TENM4: variants seen among roughly 807,000 people sequenced by gnomAD.
TENM4 encodes teneurin-4.
TENM4 carries 82 observed loss-of-function variants against 243.3 expected under a neutral mutation model. The ratio of observed to expected loss-of-function variants is 0.34; its 90% CI spans 0.28 to 0.40. The LOEUF is 0.40. Among genes scored for constraint, TENM4 ranks in the 10% least tolerant of loss-of-function variants. The pLI, the probability that TENM4 is intolerant of heterozygous loss-of-function variation, is 1.00. For missense variants in TENM4, 3,138 were observed against 3,673.3 expected, an observed-to-expected ratio of 0.85 and a Z score of 3.77; for synonymous variants, 1,412 against 1,456.3, an observed-to-expected ratio of 0.97 and a Z score of 0.69.
intron 2 of TENM4, among the ~76,000 whole-genome samples, chr11:79,249,028 T>G (rs1855566109): frequency 6.6e-6 from 1 of 152,234 alleles, no homozygotes; most frequent in Non-Finnish European, 1.5e-5. Context: ...CACCTGATCT[T>G]CAGCAATAAT....
At chr11:78,689,037 C>G (rs117908237) in intron 28 of TENM4, among the ~76,000 whole-genome samples, 9 of 152,196 alleles carry the variant, frequency 5.9e-5, no homozygotes, top group Non-Finnish European at 1.2e-4. Flanking sequence ...TCATTTAATA[C>G]ATTTTTCATG....
intron 27 of TENM4, among the ~76,000 whole-genome samples, chr11:78,705,019 G>T (rs188091317): frequency 2.0e-5 from 3 of 152,208 alleles, no homozygotes; most frequent in African/African-American, 7.2e-5. Context: ...GGCCGCTGCC[G>T]GCCAGTGCTG....
chr11:79,135,333 A>T (rs1469618256), intron 4 of TENM4, among the ~76,000 whole-genome samples: 4 of 152,002 alleles, frequency 2.6e-5, no homozygotes, highest in Admixed American at 1.3e-4. Flanking sequence ...ATAATCAAAA[A>T]ATAAAAAAAA....
At chr11:78,708,815 G>C (rs997100831) in intron 26 of TENM4, among the ~76,000 whole-genome samples, 114 of 152,042 alleles carry the variant, frequency 7.5e-4, no homozygotes, top group African/African-American at 2.7e-3. Flanking sequence ...CATAACTTCT[G>C]GGGGTTTTTA....
intron 6 of TENM4, among the ~76,000 whole-genome samples, chr11:79,043,825 C>T (rs1352248008): frequency 6.6e-6 from 1 of 152,172 alleles, no homozygotes; most frequent in African/African-American, 2.4e-5. Flanking sequence ...CAGTGCTATT[C>T]TTATCTCCAT....
chr11:78,989,103 A>G (rs1857983000), intron 6 of TENM4, among the ~76,000 whole-genome samples: 1 of 152,254 alleles, frequency 6.6e-6, no homozygotes, highest in African/African-American at 2.4e-5. Flanking sequence ...GTCAAATCTT[A>G]CAGAGAAGAA....
At chr11:79,058,255 G>GATA (rs1214048865) in intron 6 of TENM4, among the ~76,000 whole-genome samples, 1 of 151,950 alleles carries the variant, frequency 6.6e-6, no homozygotes, top group Non-Finnish European at 1.5e-5. Context: ...GGTCAAGAAG[G>GATA]ATAATGGGCC....
intron 25 of TENM4, 44 bp from the exon 26 acceptor site, chr11:78,712,758 C>T: frequency 6.4e-7 from 1 of 1,565,456 alleles, no homozygotes; most frequent in Non-Finnish European, 8.8e-7. Context: ...TTTTCTTCTT[C>T]CTATGAGTAG....
chr11:78,882,694 C>T (rs779337658), intron 9 of TENM4, among the ~76,000 whole-genome samples: 13 of 152,198 alleles, frequency 8.5e-5, no homozygotes, highest in Non-Finnish European at 1.6e-4. Context: ...TCACCATTTC[C>T]TAGATAGCCT....
chr11:79,386,395 A>C (rs1019064221), intron 1 of TENM4, among the ~76,000 whole-genome samples: 1 of 152,218 alleles, frequency 6.6e-6, no homozygotes, highest in Admixed American at 6.5e-5. Flanking sequence ...CTAATCAAAA[A>C]GGAAAAAGGT....
At chr11:79,109,570 C>T (rs139793825) in intron 4 of TENM4, among the ~76,000 whole-genome samples, 213 of 152,228 alleles carry the variant, frequency 1.4e-3, no homozygotes, top group African/African-American at 4.9e-3. Flanking sequence ...GGCCGAGGTT[C>T]AAATCCCAGC....
At chr11:79,156,360 C>T (rs549192056) in intron 3 of TENM4, among the ~76,000 whole-genome samples, 3 of 152,332 alleles carry the variant, frequency 2.0e-5, no homozygotes, top group Admixed American at 6.5e-5. Flanking sequence ...CCTCTCTGGT[C>T]CCTGTTCACG....
chr11:78,681,912 G>A (rs1858550467), intron 29 of TENM4, among the ~76,000 whole-genome samples: 2 of 29,132 alleles, frequency 6.9e-5, no homozygotes, highest in Admixed American at 3.0e-4. Flanking sequence ...GCAGCGGCTG[G>A]TACCGGTTGT....
chr11:79,121,971 T>C (rs900214380), intron 4 of TENM4, among the ~76,000 whole-genome samples: 1 of 152,240 alleles, frequency 6.6e-6, no homozygotes, highest in Non-Finnish European at 1.5e-5. Flanking sequence ...AATAGATTGA[T>C]GTTGTCCAAA....
At chr11:78,903,768 G>A (rs1367657943) in intron 6 of TENM4, 16 of 714,672 alleles carry the variant, frequency 2.2e-5, no homozygotes, top group Non-Finnish European at 3.3e-5. Flanking sequence ...TTCTAGCAGG[G>A]GAGTGAAACA....
chr11:79,095,945 C>T (rs1281035404), intron 4 of TENM4: 1 of 152,200 alleles, frequency 6.6e-6, no homozygotes, highest in Non-Finnish European at 1.5e-5. Flanking sequence ...GCAGGCCAGG[C>T]CGGGAGAACC....
At chr11:79,197,205 C>G (rs1449572332) in intron 3 of TENM4, among the ~76,000 whole-genome samples, 1 of 150,444 alleles carries the variant, frequency 6.6e-6, no homozygotes, top group Non-Finnish European at 1.5e-5. Context: ...CTGGAAGGGA[C>G]TGGGGATTGT....
chr11:78,778,737 T>C, intron 16 of TENM4, 109 bp from the exon 17 acceptor site: 1 of 1,010,984 alleles, frequency 9.9e-7, no homozygotes, highest in East Asian at 2.5e-5. Context: ...TGCCCCACGT[T>C]TGGGACAGGC....
intron 19 of TENM4, among the ~76,000 whole-genome samples, chr11:78,753,430 A>G (rs1477159936): frequency 6.6e-6 from 1 of 152,234 alleles, no homozygotes; most frequent in Non-Finnish European, 1.5e-5. Flanking sequence ...AGAGGACAGA[A>G]AGCAACTACT....
Sources: allele counts gnomAD v4.1 joint callset (sites outside exome capture counted in the v4.1 genomes callset), GRCh38; gene constraint gnomAD v4.1.1; transcripts MANE v1.5; gene names NCBI Gene and HGNC (gene_info 2026-07-23, HGNC 2026-07-21).